FER1L6: variants seen among roughly 807,000 people sequenced by gnomAD.
FER1L6 encodes fer-1 like family member 6, also known as fer-1-like protein 6.
In FER1L6, 177 loss-of-function variants were observed where a neutral mutation model predicts 219.2. The ratio of observed to expected loss-of-function variants is 0.81; its 90% CI spans 0.71 to 0.91. The LOEUF (loss-of-function observed/expected upper bound fraction) is 0.91. Among genes scored for constraint, FER1L6 ranks in the 40% least tolerant of loss-of-function variants. The pLI, the probability that FER1L6 is intolerant of heterozygous loss-of-function variation, is 0.00. For synonymous variants in FER1L6, 768 were observed against 824.3 expected, an observed-to-expected ratio of 0.93 and a Z score of 1.17; for missense variants, 2,153 against 2,259.9, an observed-to-expected ratio of 0.95 and a Z score of 0.96.
In FER1L6 at chr8:123,957,150, C is replaced by A. The variant is rs192982063; in HGVS notation, c.76+1076C>A. ...AGGCCTGCTTCACTGCCATCTACTG[C>A]AGATGTCCTGTAGCCATATGTTGTA... On this transcript the variant is annotated intron_variant, in intron 2 of 40. Transcript: ENST00000522917. 3.9e-4 allele frequency among the ~76,000 whole-genome samples: 60 copies of A among 152,336 alleles called. 1 individual carries two copies. The highest frequency in any genetic ancestry group is 3.3e-3 in the Admixed American group (51 of 15,306).
Position 123,955,971 on chromosome 8 carries a change from CT to C in FER1L6, c.-7-12del, listed in dbSNP as rs546308275. 94 of 1,575,068 alleles carry C rather than the reference CT, an allele frequency of 6.0e-5. No homozygotes were observed. Among genetic ancestry groups the C allele is most frequent in the African/African-American group, 2.7e-4 (20 of 74,010 alleles). ...AAATGACTCAAAGTTTTTATTGTTTCTTTTTTTTTCTTCTTTTCAGAAAGGG... is the reference window on the plus strand; with the variant it reads ...AAATGACTCAAAGTTTTTATTGTTTCTTTTTTTTCTTCTTTTCAGAAAGGG... On this transcript the variant is annotated intron_variant, in intron 1 of 40. Transcript: ENST00000522917.
chr8:123,853,316 G>A lies in FER1L6; in HGVS notation c.-8+1131G>A, dbSNP rs548127048. Reference sequence around the variant, plus strand: ...ATTACAGGTGCTTGCCATCACACCCGGCTAATTTCTGTATTTTTAGAGAAG... The same window carrying A: ...ATTACAGGTGCTTGCCATCACACCCAGCTAATTTCTGTATTTTTAGAGAAG... On this transcript the variant is annotated intron_variant, in intron 1 of 40. Transcript: ENST00000522917. This position sits in a 1 kb window ranked among gnomAD's most constrained non-coding sequence, Gnocchi z 6.6. Among the ~76,000 whole-genome samples the A allele has an allele frequency of 2.6e-4, 39 of 151,990 alleles. No homozygotes were observed. Among genetic ancestry groups the A allele is most frequent in the African/African-American group, 6.0e-4 (25 of 41,452 alleles).
chr8:123,885,842 T>C (rs1817191910), intron 1 of FER1L6, among the ~76,000 whole-genome samples: 1 of 152,200 alleles, frequency 6.6e-6, no homozygotes, highest in Admixed American at 6.5e-5. Context: ...AGCCAGGATG[T>C]GGCCATGGAG....
At chr8:123,982,807 T>C (rs1015483502) in intron 11 of FER1L6, among the ~76,000 whole-genome samples, 22 of 152,186 alleles carry the variant, frequency 1.4e-4, no homozygotes, top group Admixed American at 3.9e-4. Context: ...CAGGAGACTG[T>C]GATTCTTTGT....
Position 124,066,464 on chromosome 8 carries a change from A to G in FER1L6, c.3592A>G (p.Arg1198Gly). ...GCCTTCCCGGAGGTCCACTAAGAGGAGAAAGAGGACCATAGCAGATGAATC... is the reference window on the plus strand; with the variant it reads ...GCCTTCCCGGAGGTCCACTAAGAGGGGAAAGAGGACCATAGCAGATGAATC... The part of the protein sequence containing the change: ...RKPSRRSTKR[R>G]KRTIADESAE... Residue 1198 changes from arginine (R) to glycine (G), a missense_variant, in exon 27 of 41, where the codon AGA becomes GGA. Arg to Gly is a moderately radical substitution (Grantham distance 125). Coordinates refer to ENST00000522917, the MANE Select transcript of FER1L6 (RefSeq NM_001039112.2). The G allele has an allele frequency of 6.2e-7, 1 of 1,614,008 alleles. No homozygotes were observed. The highest frequency in any genetic ancestry group is 8.5e-7 in the Non-Finnish European group (1 of 1,179,908).
intron 1 of FER1L6, among the ~76,000 whole-genome samples, chr8:123,925,423 T>C (rs1813526723): frequency 6.6e-6 from 1 of 152,194 alleles, no homozygotes. Context: ...TACAGCATCA[T>C]ATTGACCAAC....
chr8:124,118,951 G>A lies in FER1L6; in HGVS notation c.5390+7G>A. 1.2e-6 allele frequency: 2 copies of A among 1,607,296 alleles called. No homozygotes were observed. The highest frequency in any genetic ancestry group is 1.7e-6 in the Non-Finnish European group (2 of 1,176,754). Reference sequence around the variant, plus strand: ...AGCCCCTGGCCAAGCCCAAGTGAGTGGAGTTGCTAGTGGGAACATCAGAAA... The same window carrying A: ...AGCCCCTGGCCAAGCCCAAGTGAGTAGAGTTGCTAGTGGGAACATCAGAAA... On this transcript the variant is annotated splice_region_variant and intron_variant, in intron 40 of 40. Coordinates refer to ENST00000522917, the MANE Select transcript of FER1L6 (RefSeq NM_001039112.2).
At chr8:124,089,836 ACTTATC>A (rs1400335185) in intron 33 of FER1L6, among the ~76,000 whole-genome samples, 2 of 152,140 alleles carry the variant, frequency 1.3e-5, no homozygotes, top group African/African-American at 4.8e-5. Flanking sequence ...TGCTTGTTGT[ACTTATC>A]CTTATATCTC....
At chr8:123,872,470 G>A in intron 1 of FER1L6, among the ~76,000 whole-genome samples, 1 of 152,186 alleles carries the variant, frequency 6.6e-6, no homozygotes, top group East Asian at 1.9e-4. Flanking sequence ...GTAGTTAAAT[G>A]TAATGGGGTG....
At chr8:123,938,337 C>T (rs557789600) in intron 1 of FER1L6, among the ~76,000 whole-genome samples, 3 of 152,144 alleles carry the variant, frequency 2.0e-5, no homozygotes, top group African/African-American at 7.2e-5. Flanking sequence ...TACATCATGA[C>T]TTGCATCACT....
chr8:124,094,454 C>T (rs528242207), intron 34 of FER1L6, among the ~76,000 whole-genome samples: 3 of 151,848 alleles, frequency 2.0e-5, no homozygotes, highest in East Asian at 3.9e-4. Flanking sequence ...TTTTCTTTTT[C>T]GGTTTTTCTT....
At chr8:123,925,199 G>C (rs553186980) in intron 1 of FER1L6, among the ~76,000 whole-genome samples, 12 of 152,316 alleles carry the variant, frequency 7.9e-5, no homozygotes, top group Middle Eastern at 3.4e-3. Flanking sequence ...AGTTAGGAGG[G>C]AGACAGTCTA....
intron 9 of FER1L6, 123 bp from the exon 10 acceptor site, chr8:123,977,294 G>C: frequency 2.2e-6 from 2 of 916,812 alleles, no homozygotes; most frequent in East Asian, 2.4e-5. Context: ...ACTGATTTTC[G>C]TGGGTGTCAG....
intron 19 of FER1L6, among the ~76,000 whole-genome samples, 190 bp from the exon 20 acceptor site, chr8:124,039,692 C>T (rs1472119719): frequency 6.6e-6 from 1 of 152,162 alleles, no homozygotes; most frequent in Non-Finnish European, 1.5e-5. Context: ...GTTCAAAGTA[C>T]CCCATAAATA....
chr8:123,907,791 T>C (rs981987765), intron 1 of FER1L6, among the ~76,000 whole-genome samples: 2 of 354 alleles, frequency 5.6e-3, no homozygotes, highest in Non-Finnish European at 0.013. Flanking sequence ...ATACTGAGCA[T>C]AGGAAGGAGT....
At chr8:124,005,254 C>A (rs2130521286) in intron 13 of FER1L6, among the ~76,000 whole-genome samples, 1 of 152,330 alleles carries the variant, frequency 6.6e-6, no homozygotes. Flanking sequence ...TGATTCACAT[C>A]ACTCATTGAC....
At chr8:123,936,475 T>TTG (rs1814011308) in intron 1 of FER1L6, among the ~76,000 whole-genome samples, 2 of 141,166 alleles carry the variant, frequency 1.4e-5, no homozygotes, top group South Asian at 2.2e-4. Flanking sequence ...TTTTTTTTTT[T>TTG]TTTTTTTTTT....
chr8:123,916,349 G>A lies in FER1L6; in HGVS notation c.-7-39643G>A, dbSNP rs77256476. On this transcript the variant is annotated intron_variant, in intron 1 of 40. Coordinates refer to ENST00000522917, the MANE Select transcript of FER1L6 (RefSeq NM_001039112.2). ...TGCCCTTCAACAGAAACATGTATTC[G>A]GGATGCTGGCTCATGACTAGCACTG... 2.7e-3 allele frequency among the ~76,000 whole-genome samples: 413 copies of A among 152,302 alleles called. 3 individuals carry two copies. The highest frequency in any genetic ancestry group is 9.7e-3 in the African/African-American group (404 of 41,566).
rs1361908330 is a variant in FER1L6, at chr8:123,973,513, G to C, written c.526+1G>C. ...CTGGGGACCGTGTACAACCAACCTG[G>C]TAAGAAAACATCACCTCCCCATCTG... On this transcript the variant is annotated splice_donor_variant, in intron 7 of 40. Transcript: ENST00000522917. LOFTEE classifies it high-confidence loss of function. 6.2e-7 allele frequency: 1 copy of C among 1,609,926 alleles called. No individual in the cohort carries two copies. Among genetic ancestry groups the C allele is most frequent in the Non-Finnish European group, 8.5e-7 (1 of 1,176,218 alleles).
Sources: gnomAD v4.1 joint callset for allele counts (sites outside exome capture counted in the v4.1 genomes callset) on GRCh38, gnomAD v4.1.1 for gene constraint, Gnocchi (gnomAD v3.1) non-coding constraint, MANE v1.5 for transcripts, NCBI Gene and HGNC (gene_info 2026-07-23, HGNC 2026-07-21) for gene names.